The following RNASEL variants were observed in gnomAD, a reference collection of about 807,000 sequenced individuals.
RNASEL encodes the protein ribonuclease L, also known as 2-5A-dependent ribonuclease.
Under a neutral mutation model 50.9 loss-of-function variants are expected in RNASEL, and 36 were observed. The observed-to-expected ratio is 0.71, with a 90% CI of 0.54 to 0.93. The LOEUF is 0.93. Among genes scored for constraint, RNASEL ranks in the 40% least tolerant of loss-of-function variants. The pLI, the probability that RNASEL is intolerant of heterozygous loss-of-function variation, is 0.00. For synonymous variants in RNASEL, 335 were observed against 335.6 expected, an observed-to-expected ratio of 1.00 and a Z score of 0.02; for missense variants, 860 against 894.5, an observed-to-expected ratio of 0.96 and a Z score of 0.49.
rs1661508762 is a variant in RNASEL at position 182,582,155 on chromosome 1, TC to T, written c.1669del (p.Glu557ArgfsTer17). ...ACGATGAATGAGGTCCTTAGTTTCC[TC>T]ATCTGGAGAAAGTTGAACCACCTCT... Reference protein sequence around the residue: ...NEEVVQLSPDEETKDLIHRLF... With the variant: ...NEEVVQLSPDXETKDLIHRLF... On this transcript the variant is annotated frameshift_variant, in exon 4 of 7. Coordinates refer to ENST00000367559, the MANE Select transcript of RNASEL (RefSeq NM_021133.4). LOFTEE classifies it high-confidence loss of function. 1 of 1,614,254 alleles carries T rather than the reference TC, an allele frequency of 6.2e-7. No homozygotes were observed.
At chr1:182,576,418 G>C (rs768985311) in intron 5 of RNASEL, 29 bp from the exon 6 acceptor site, 2 of 1,513,016 alleles carry the variant, frequency 1.3e-6, no homozygotes, top group Non-Finnish European at 1.8e-6. Context: ...ACACAAAAAT[G>C]TGGTAGCAAC....
rs1249692465 is a variant in RNASEL, at chr1:182,586,346, C to T, written c.461G>A (p.Arg154Lys). 1.2e-6 allele frequency: 2 copies of T among 1,614,094 alleles called. No individual in the cohort carries two copies. The highest frequency in any genetic ancestry group is 1.3e-5 in the African/African-American group (1 of 74,926). The part of the protein sequence containing the change: ...LYKRGANVNL[R>K]RKTKEDQERL... Reference sequence around the variant, plus strand: ...CTCTTGATCCTCCTTTGTCTTTCGCCTCAAATTCACATTTGCTCCTCTCTT... The same window carrying T: ...CTCTTGATCCTCCTTTGTCTTTCGCTTCAAATTCACATTTGCTCCTCTCTT... The change falls in exon 2 of 7, where the codon AGG becomes AAG. Residue 154 changes from arginine (R) to lysine (K), a missense_variant. Transcript: ENST00000367559.
Position 182,585,511 on chromosome 1 carries a change from C to T in RNASEL, c.1296G>A (p.Val432=), listed in dbSNP as rs769736652. The T allele has an allele frequency of 6.2e-7, 1 of 1,614,158 alleles. No individual in the cohort carries two copies. Among genetic ancestry groups the T allele is most frequent in the Non-Finnish European group, 8.5e-7 (1 of 1,180,008 alleles). ...GSESHRGHLF[V]CVTLCEQTLE... The stretch of plus-strand genomic sequence containing the variant: ...GAGTCTGCTCACAGAGGGTGACACA[C>T]ACAAACAAGTGGCCCCTGTGGCTCT... Residue 432 remains valine (V), a synonymous_variant, in exon 2 of 7, where the codon GTG becomes GTA. Transcript: ENST00000367559.
chr1:182,581,094 G>A, intron 5 of RNASEL, 131 bp downstream of exon 5: 5 of 1,346,594 alleles, frequency 3.7e-6, no homozygotes, highest in Non-Finnish European at 5.3e-6. Flanking sequence ...GGATGGGAGG[G>A]CAGGAGGCAA....
Position 182,575,499 on chromosome 1 carries a change from G to C in RNASEL, c.2119C>G (p.Leu707Val). 1.2e-6 allele frequency: 2 copies of C among 1,614,188 alleles called. No homozygotes were observed. Among genetic ancestry groups the C allele is most frequent in the Admixed American group, 1.7e-5 (1 of 60,028 alleles). The part of the protein sequence containing the change: ...PDLVIYVYTK[L>V]QNTEYRKHFP... ...TGCTTTCTATATTCTGTGTTCTGTA[G>C]TTTTGTGTAGACATAGATCACCAGA... The change falls in exon 7 of 7, where the codon CTA becomes GTA. Residue 707 changes from leucine to valine, a missense_variant. By Grantham distance (32) the Leu-to-Val change is conservative. Coordinates refer to ENST00000367559, the MANE Select transcript of RNASEL (RefSeq NM_021133.4).
intron 1 of RNASEL, among the ~76,000 whole-genome samples, chr1:182,587,823 A>G (rs1661629916): frequency 6.6e-6 from 1 of 152,224 alleles, no homozygotes. Context: ...AGTACAGACA[A>G]TATCTGACTT....
intron 1 of RNASEL, 138 bp downstream of exon 1, chr1:182,589,029 C>A (rs1661651520): frequency 6.6e-6 from 1 of 152,280 alleles, no homozygotes; most frequent in Non-Finnish European, 1.5e-5. Context: ...AAGATCCTTC[C>A]GGGCAGCCAA....
Position 182,585,846 on chromosome 1 carries a change from G to A in RNASEL, c.961C>T (p.Leu321Phe). The A allele has an allele frequency of 6.2e-7, 1 of 1,613,384 alleles. No individual in the cohort carries two copies. Among genetic ancestry groups the A allele is most frequent in the Non-Finnish European group, 8.5e-7 (1 of 1,179,590 alleles). Reference sequence around the variant, plus strand: ...AAATCTTCTTTGGCTCCATGAGAGAGAAGAACCTTCACAAGGGAATGGTCA... The same window carrying A: ...AAATCTTCTTTGGCTCCATGAGAGAAAAGAACCTTCACAAGGGAATGGTCA... ...NYDHSLVKVLLSHGAKEDFHP... is the reference protein window; with the variant it reads ...NYDHSLVKVLFSHGAKEDFHP... Residue 321 changes from leucine to phenylalanine, a missense_variant, in exon 2 of 7, where the codon CTC becomes TTC. Transcript: ENST00000367559.
At chr1:182,584,890 C>T (rs1661562182) in intron 2 of RNASEL, among the ~76,000 whole-genome samples, 1 of 152,184 alleles carries the variant, frequency 6.6e-6, no homozygotes, top group South Asian at 2.1e-4. Context: ...CTAGTGGATT[C>T]TGACTTGTTC....
In RNASEL at chr1:182,573,748, T is replaced by C. The variant is rs763990797; in HGVS notation, c.*1644A>G. 40 of 184,342 alleles carry C rather than the reference T, an allele frequency of 2.2e-4. No individual in the cohort carries two copies. Among genetic ancestry groups the C allele is most frequent in the South Asian group, 3.9e-4 (2 of 5,106 alleles). The allele number at this position is 184,342 out of a possible 1,614,324, so 11.4% of individuals were successfully genotyped here. A position where few individuals can be genotyped will look rare whatever the true frequency, so the allele number is the denominator to read the frequency against. ...AGCTTCATTTTAAAAGTTAAAGCAA[T>C]CTTGCTGCTCATAAAGTATTTTTTA... On this transcript the variant is annotated 3_prime_UTR_variant, in exon 7 of 7. Transcript: ENST00000367559.
At chr1:182,581,473 C>CTTTTTTTTTT (rs1011639686) in intron 4 of RNASEL, 116 bp from the exon 5 acceptor site, 26 of 294,818 alleles carry the variant, frequency 8.8e-5, no homozygotes, top group African/African-American at 1.6e-4. Flanking sequence ...GTTTTTCTTT[C>CTTTTTTTTTT]TTTTTTTTTT....
chr1:182,576,516 A>C, intron 5 of RNASEL, 127 bp from the exon 6 acceptor site: 1 of 730,948 alleles, frequency 1.4e-6, no homozygotes, highest in East Asian at 2.7e-5. Flanking sequence ...CCAACTAATT[A>C]ATAAAGCAAA....
At chr1:182,576,410 A>G in intron 5 of RNASEL, 21 bp from the exon 6 acceptor site, 4 of 1,531,472 alleles carry the variant, frequency 2.6e-6, no homozygotes, top group Non-Finnish European at 3.6e-6. Flanking sequence ...AAAAAATAAC[A>G]CAAAAATGTG....
intron 6 of RNASEL, among the ~76,000 whole-genome samples, chr1:182,575,925 GGCTATTTTTAGAC>G (rs1661369482): frequency 6.6e-6 from 1 of 152,166 alleles, no homozygotes; most frequent in Non-Finnish European, 1.5e-5. Flanking sequence ...AACTAATGTG[GGCTATTTTTAGAC>G]GTATATAACT....
chr1:182,580,594 T>C (rs12736689), intron 5 of RNASEL, among the ~76,000 whole-genome samples: 6,383 of 152,320 alleles, frequency 0.042, 217 homozygotes, highest in African/African-American at 0.093. Flanking sequence ...TAGCACATAA[T>C]TGGTATTGTA....
intron 6 of RNASEL, 133 bp from the exon 7 acceptor site, chr1:182,575,711 A>G: frequency 8.8e-7 from 1 of 1,142,708 alleles, no homozygotes; most frequent in Admixed American, 2.0e-5. Context: ...GGAATCTGAC[A>G]GAGCAAGACT....
intron 5 of RNASEL, chr1:182,579,770 T>C: frequency 8.6e-7 from 1 of 1,159,516 alleles, no homozygotes; most frequent in South Asian, 1.5e-5. Flanking sequence ...CAAGTTCCTC[T>C]TTCCAGGTCT....
chr1:182,581,237 C>G lies in RNASEL; in HGVS notation c.1893G>C (p.Lys631Asn), dbSNP rs1178962643. The change falls in exon 5 of 7, where the codon AAG becomes AAC. Residue 631 changes from lysine (K) to asparagine (N), a missense_variant. Transcript: ENST00000367559. ...GPSEHSKSFDKWTTKINECVM... is the reference protein window; with the variant it reads ...GPSEHSKSFDNWTTKINECVM... ...GAATTGTTCATACCTTAGTCGTCCA[C>G]TTGTCAAAACTTTTGGAATGTTCAG... The G allele has an allele frequency of 1.2e-6, 2 of 1,614,148 alleles. No individual in the cohort carries two copies. The highest frequency in any genetic ancestry group is 2.2e-5 in the East Asian group (1 of 44,886).
Position 182,575,292 on chromosome 1 carries a change from C to T in RNASEL, c.*100G>A. ...GACATATCAGCTATGCAACTCATCC[C>T]TCACAAGCAACCTGGTGAGTTAAAA... On this transcript the variant is annotated 3_prime_UTR_variant, in exon 7 of 7. Coordinates refer to ENST00000367559, the MANE Select transcript of RNASEL (RefSeq NM_021133.4). 8.1e-7 allele frequency: 1 copy of T among 1,235,716 alleles called. No homozygotes were observed. Among genetic ancestry groups the T allele is most frequent in the Non-Finnish European group, 1.2e-6 (1 of 838,012 alleles). 76.5% of individuals were successfully genotyped at this position (1,235,716 alleles called of 1,614,324 possible). A position where few individuals can be genotyped will look rare whatever the true frequency, so the allele number is the denominator to read the frequency against.
Sources: allele counts gnomAD v4.1 joint callset (sites outside exome capture counted in the v4.1 genomes callset), GRCh38; gene constraint gnomAD v4.1.1; transcripts MANE v1.5; gene names NCBI Gene and HGNC (gene_info 2026-07-23, HGNC 2026-07-21).